TENM3: variants seen among roughly 807,000 people sequenced by gnomAD.
The protein encoded by TENM3 is teneurin transmembrane protein 3.
A neutral mutation model predicts 255.1 loss-of-function variants in TENM3; 63 were observed. The ratio of observed to expected loss-of-function variants is 0.25; its 90% CI spans 0.20 to 0.30. TENM3 has a LOEUF of 0.30. Among genes scored for constraint, TENM3 ranks in the 10% least tolerant of loss-of-function variants. The pLI is 1.00. For synonymous variants in TENM3, 1,306 were observed against 1,322.3 expected (o/e 0.99, Z 0.27); for missense variants, 2,929 against 3,461.1 (o/e 0.85, Z 3.86).
At chr4:181,873,662 C>G in the TENM3 span, among the ~76,000 whole-genome samples, 13 of 151,936 alleles carry the variant, frequency 8.6e-5, no homozygotes, top group African/African-American at 2.4e-4. Flanking sequence ...TTTTATAGCC[C>G]AGCATCAGCA....
chr4:181,807,790 T>C, the TENM3 span, among the ~76,000 whole-genome samples: 2 of 152,342 alleles, frequency 1.3e-5, no homozygotes, highest in African/African-American at 2.4e-5. Context: ...AGTTACATGA[T>C]GTGAAATTGT....
chr4:182,711,084 G>A (rs542989660), intron 12 of TENM3, among the ~76,000 whole-genome samples: 24 of 152,218 alleles, frequency 1.6e-4, no homozygotes, highest in African/African-American at 4.8e-4. Flanking sequence ...CTGGGTAATC[G>A]TTTTCTAAAG....
chr4:182,393,308 A>G (rs1258762581), intron 3 of TENM3, among the ~76,000 whole-genome samples: 1 of 152,230 alleles, frequency 6.6e-6, no homozygotes, highest in Non-Finnish European at 1.5e-5. Flanking sequence ...AGTAGTTAAA[A>G]AACAAAAGGC....
chr4:182,623,283 G>T (rs1159684182), intron 4 of TENM3, among the ~76,000 whole-genome samples: 3 of 151,762 alleles, frequency 2.0e-5, no homozygotes, highest in African/African-American at 7.3e-5. Flanking sequence ...TAAGTGCTGG[G>T]ATTACAGGTG....
At chr4:182,727,461 A>AAAAAAAAG (rs1055948871) in intron 13 of TENM3, among the ~76,000 whole-genome samples, 2 of 151,716 alleles carry the variant, frequency 1.3e-5, no homozygotes, top group African/African-American at 4.8e-5. Context: ...GTCTCAAAAA[A>AAAAAAAAG]AAAGAAAGAA....
At chr4:181,651,487 C>T in the TENM3 span, among the ~76,000 whole-genome samples, 1 of 151,848 alleles carries the variant, frequency 6.6e-6, no homozygotes, top group Non-Finnish European at 1.5e-5. Flanking sequence ...ACATGGGAAG[C>T]TGAGGCAAGA....
chr4:181,950,442 C>T, the TENM3 span, among the ~76,000 whole-genome samples: 5 of 152,132 alleles, frequency 3.3e-5, no homozygotes, highest in South Asian at 2.1e-4. Context: ...TGTATTCCCC[C>T]GGCCTTTTCC....
At chr4:182,405,023 T>C (rs1302255438) in intron 3 of TENM3, among the ~76,000 whole-genome samples, 5 of 152,190 alleles carry the variant, frequency 3.3e-5, no homozygotes, top group Non-Finnish European at 7.4e-5. Context: ...AACTTTATTG[T>C]ATTGCGGGAC....
chr4:181,930,931 T>C, the TENM3 span, among the ~76,000 whole-genome samples: 11 of 152,176 alleles, frequency 7.2e-5, no homozygotes, highest in African/African-American at 2.7e-4. Context: ...ATTATCTCAA[T>C]AGATGCAGAA....
the TENM3 span, among the ~76,000 whole-genome samples, chr4:181,575,541 C>T: frequency 6.6e-6 from 1 of 152,202 alleles, no homozygotes; most frequent in Non-Finnish European, 1.5e-5. Context: ...TTTCTAGCAT[C>T]TTCTGGATCC....
At chr4:181,451,380 A>G in the TENM3 span, among the ~76,000 whole-genome samples, 20,184 of 152,216 alleles carry the variant, frequency 0.13, 1,521 homozygotes, top group East Asian at 0.28. Context: ...AGACACCATT[A>G]AAGAAATTTG....
At position 182,711,195 on chromosome 4, in the gene TENM3, G is replaced by A. The variant is rs183399477; in HGVS notation, c.2222-2892G>A. Among the ~76,000 whole-genome samples, 5 of 152,126 alleles carry A rather than the reference G, an allele frequency of 3.3e-5. No individual in the cohort carries two copies. The East Asian group carries it at 7.7e-4, about 23-fold the overall frequency. On this transcript the variant is annotated intron_variant, in intron 12 of 27. Coordinates refer to ENST00000511685, the MANE Select transcript of TENM3 (RefSeq NM_001080477.4). ...TTTTGCTTATTTATTAACTTTTAAA[G>A]TTTCATTATTTGTAGATCTCATAGT... is the stretch of plus-strand genomic sequence containing the variant.
intron 2 of TENM3, among the ~76,000 whole-genome samples, chr4:182,336,994 C>A (rs995087565): frequency 6.6e-6 from 1 of 152,074 alleles, no homozygotes; most frequent in Non-Finnish European, 1.5e-5. Flanking sequence ...TTCACTCAGA[C>A]AACAGCTGGT....
At chr4:182,753,315 A>G (rs964617982) in intron 20 of TENM3, 135 bp from the exon 21 acceptor site, 4 of 659,426 alleles carry the variant, frequency 6.1e-6, no homozygotes, top group Non-Finnish European at 1.0e-5. Context: ...CGTGTTTGCA[A>G]TCTGCAGTCC....
At chr4:181,961,452 A>G in the TENM3 span, among the ~76,000 whole-genome samples, 4 of 152,010 alleles carry the variant, frequency 2.6e-5, no homozygotes, top group African/African-American at 9.7e-5. Flanking sequence ...ATGGAGTCTC[A>G]CTCTGTCACC....
intron 1 of TENM3, among the ~76,000 whole-genome samples, chr4:182,225,225 C>A (rs1397208765): frequency 6.6e-6 from 1 of 152,118 alleles, no homozygotes; most frequent in Non-Finnish European, 1.5e-5. Flanking sequence ...TATACGGCAG[C>A]AATTATTGTT....
chr4:182,588,846 A>G (rs1401814148), intron 3 of TENM3, among the ~76,000 whole-genome samples: 1 of 152,206 alleles, frequency 6.6e-6, no homozygotes, highest in East Asian at 1.9e-4. Context: ...ATAGCCATGT[A>G]CACTTGTTTT....
the TENM3 span, among the ~76,000 whole-genome samples, chr4:181,670,409 T>G: frequency 1.3e-5 from 2 of 152,196 alleles, no homozygotes; most frequent in Non-Finnish European, 2.9e-5. Flanking sequence ...TCTCTTGGCC[T>G]CGAAATGATC....
chr4:181,802,857 T>C, the TENM3 span, among the ~76,000 whole-genome samples: 1 of 152,224 alleles, frequency 6.6e-6, no homozygotes, highest in South Asian at 2.1e-4. Context: ...AAAAAGTGCT[T>C]AATACACACT....
Sources: allele counts gnomAD v4.1 joint callset (sites outside exome capture counted in the v4.1 genomes callset), GRCh38; gene constraint gnomAD v4.1.1; transcripts MANE v1.5; gene names NCBI Gene and HGNC (gene_info 2026-07-23, HGNC 2026-07-21).